SLC24A2: variants seen among roughly 807,000 people sequenced by gnomAD.
SLC24A2 encodes sodium/potassium/calcium exchanger 2.
Under a neutral mutation model 62.0 loss-of-function variants are expected in SLC24A2, and 36 were observed. The observed-to-expected ratio is 0.58, with a 90% CI of 0.44 to 0.77. The LOEUF (loss-of-function observed/expected upper bound fraction) is 0.77, where lower values mean the gene tolerates loss of function less well. Ranked by LOEUF, SLC24A2 falls within the 30% of genes least tolerant of loss-of-function variation. The probability of loss-of-function intolerance (pLI) is 0.00; values close to 1 mark genes in which losing one functional copy is unlikely to be tolerated. For synonymous variants in SLC24A2, 358 were observed against 294.0 expected, an observed-to-expected ratio of 1.22 and a Z score of -2.23; for missense variants, 846 against 817.9, an observed-to-expected ratio of 1.03 and a Z score of -0.42.
At chr9:19,787,978 T>C (rs769151425) in intron 1 of SLC24A2, among the ~76,000 whole-genome samples, 1 of 152,246 alleles carries the variant, frequency 6.6e-6, no homozygotes, top group Admixed American at 6.5e-5. Context: ...ATGGGTAAAA[T>C]AGCCAGACTT....
At chr9:19,929,155 T>C in the SLC24A2 span, 1 of 152,214 alleles carries the variant, frequency 6.6e-6, no homozygotes, top group Non-Finnish European at 1.5e-5. Flanking sequence ...CCTTTCTAGA[T>C]GATCTGGTAG....
At chr9:19,796,770 A>G in the SLC24A2 span, among the ~76,000 whole-genome samples, 139 of 152,158 alleles carry the variant, frequency 9.1e-4, no homozygotes, top group Non-Finnish European at 1.6e-3. Flanking sequence ...GATGGAATCT[A>G]TTTTTTCTTT....
chr9:20,068,691 G>T, the SLC24A2 span, among the ~76,000 whole-genome samples: 1 of 152,084 alleles, frequency 6.6e-6, no homozygotes, highest in East Asian at 1.9e-4. Context: ...TGATGTCTCC[G>T]TGGAAGTGTC....
chr9:20,052,641 G>A, the SLC24A2 span, among the ~76,000 whole-genome samples: 2 of 151,918 alleles, frequency 1.3e-5, no homozygotes, highest in African/African-American at 4.8e-5. Context: ...ATTTCCTCAC[G>A]ACATTGCTGG....
chr9:19,662,520 T>C (rs989699819), intron 2 of SLC24A2, among the ~76,000 whole-genome samples: 12 of 152,290 alleles, frequency 7.9e-5, no homozygotes, highest in African/African-American at 2.4e-4. Flanking sequence ...CCATGCCCGG[T>C]GTTAGTTACC....
chr9:20,174,798 C>T, the SLC24A2 span, among the ~76,000 whole-genome samples: 2 of 151,896 alleles, frequency 1.3e-5, no homozygotes, highest in Admixed American at 6.6e-5. Context: ...GTGGCAATTC[C>T]TTAAAGAACT....
chr9:19,738,489 T>C (rs1436265446), intron 2 of SLC24A2, among the ~76,000 whole-genome samples: 3 of 152,030 alleles, frequency 2.0e-5, no homozygotes, highest in African/African-American at 7.2e-5. Flanking sequence ...GTATCAGTTT[T>C]AACCAAAACA....
At chr9:19,604,201 T>A (rs1393969501) in intron 4 of SLC24A2, among the ~76,000 whole-genome samples, 1 of 152,234 alleles carries the variant, frequency 6.6e-6, no homozygotes, top group East Asian at 1.9e-4. Context: ...TTTAGTGTTC[T>A]AATTCCACAG....
the SLC24A2 span, among the ~76,000 whole-genome samples, chr9:19,925,570 G>C: frequency 6.6e-6 from 1 of 152,020 alleles, no homozygotes; most frequent in Non-Finnish European, 1.5e-5. Context: ...TGGTCACTGG[G>C]AACTTCAAAT....
At chr9:19,612,423 T>C (rs994257297) in intron 4 of SLC24A2, among the ~76,000 whole-genome samples, 4 of 152,192 alleles carry the variant, frequency 2.6e-5, no homozygotes, top group Non-Finnish European at 4.4e-5. Context: ...CAAGTAATCG[T>C]TCTGCCTTAG....
At chr9:19,894,197 G>C in the SLC24A2 span, among the ~76,000 whole-genome samples, 2 of 152,182 alleles carry the variant, frequency 1.3e-5, no homozygotes, top group East Asian at 3.8e-4. Context: ...GTGGTCCAGA[G>C]ACTAGAACCT....
intron 2 of SLC24A2, among the ~76,000 whole-genome samples, chr9:19,754,360 T>C (rs1204185179): frequency 2.6e-5 from 4 of 152,166 alleles, no homozygotes; most frequent in Admixed American, 2.6e-4. Context: ...CATGACAGCC[T>C]GGCCAGCCCT....
the SLC24A2 span, among the ~76,000 whole-genome samples, chr9:20,185,247 G>A: frequency 3.9e-5 from 6 of 152,056 alleles, no homozygotes; most frequent in Non-Finnish European, 8.8e-5. Context: ...CAAAAAGTAT[G>A]GGAGGTAATG....
the SLC24A2 span, among the ~76,000 whole-genome samples, chr9:19,940,778 G>A: frequency 6.6e-6 from 1 of 152,258 alleles, no homozygotes; most frequent in Non-Finnish European, 1.5e-5. Context: ...TGCTCCCAAG[G>A]GTGCCCTCTC....
chr9:19,521,322 C>T (rs979972391), intron 9 of SLC24A2, among the ~76,000 whole-genome samples: 1 of 152,102 alleles, frequency 6.6e-6, no homozygotes, highest in African/African-American at 2.4e-5. Context: ...AGAGTGTAGC[C>T]TTTATATGGT....
At chr9:20,298,377 C>T in the SLC24A2 span, among the ~76,000 whole-genome samples, 227 of 152,178 alleles carry the variant, frequency 1.5e-3, 1 homozygote, top group African/African-American at 5.2e-3. Flanking sequence ...TACAGGCACG[C>T]GCCACCATGC....
chr9:19,606,794 G>A (rs1836996202), intron 4 of SLC24A2, among the ~76,000 whole-genome samples: 1 of 152,204 alleles, frequency 6.6e-6, no homozygotes, highest in African/African-American at 2.4e-5. Flanking sequence ...ACCTGTGAAG[G>A]ACCGTTTGTT....
chr9:19,585,579 A>T (rs1252204501), intron 5 of SLC24A2, among the ~76,000 whole-genome samples: 1 of 152,234 alleles, frequency 6.6e-6, no homozygotes, highest in Non-Finnish European at 1.5e-5. Flanking sequence ...AGCCTTTCTT[A>T]GTGGACAGAG....
At chr9:19,542,774 C>T (rs906147052) in intron 8 of SLC24A2, among the ~76,000 whole-genome samples, 3 of 152,166 alleles carry the variant, frequency 2.0e-5, no homozygotes, top group Admixed American at 6.5e-5. Flanking sequence ...CCTTGCATCC[C>T]AGGGATGAAG....
Sources: gnomAD v4.1 joint callset for allele counts (sites outside exome capture counted in the v4.1 genomes callset) on GRCh38, gnomAD v4.1.1 for gene constraint, MANE v1.5 for transcripts, NCBI Gene and HGNC (gene_info 2026-07-23, HGNC 2026-07-21) for gene names.